RTL9: variants seen among roughly 807,000 people sequenced by gnomAD.
RTL9 encodes retrotransposon Gag-like protein 9.
RTL9 carries 19 observed loss-of-function variants against 44.7 expected under a neutral mutation model. That is an observed-to-expected ratio of 0.42 (90% CI 0.30 to 0.62). The LOEUF is 0.62. Among genes scored for constraint, RTL9 ranks in the 20% least tolerant of loss-of-function variants. RTL9 has a pLI of 0.16. For missense variants in RTL9, 1,105 were observed against 1,080.6 expected, an observed-to-expected ratio of 1.02 and a Z score of -0.32; for synonymous variants, 407 against 398.9, an observed-to-expected ratio of 1.02 and a Z score of -0.24.
chrX:110,423,910 A>G (rs2068736725), intron 1 of RTL9, among the ~76,000 whole-genome samples: 1 of 112,519 alleles, frequency 8.9e-6, no homozygotes, highest in Non-Finnish European at 1.9e-5. Flanking sequence ...TTCTCCTCTC[A>G]GGCAGATGCT....
intron 1 of RTL9, among the ~76,000 whole-genome samples, chrX:110,408,474 G>C (rs1212119922): frequency 8.9e-6 from 1 of 112,418 alleles, no homozygotes; most frequent in Non-Finnish European, 1.9e-5. Context: ...ATGTTCTGCT[G>C]GACTTCCATG....
At chrX:110,397,679 A>C (rs774481585) in intron 1 of RTL9, among the ~76,000 whole-genome samples, 1 of 111,227 alleles carries the variant, frequency 9.0e-6, no homozygotes, top group African/African-American at 3.3e-5. Flanking sequence ...TTTGCTTTCT[A>C]ATATCCTAAC....
upstream of RTL9, among the ~76,000 whole-genome samples, chrX:110,447,904 G>A (rs1003960887): frequency 2.5e-4 from 28 of 111,635 alleles, no homozygotes; most frequent in Non-Finnish European, 2.6e-4. Flanking sequence ...TAGACTGAGT[G>A]CACCAGTTCA....
At chrX:110,360,565 A>G (rs1376427512) in intron 1 of RTL9, among the ~76,000 whole-genome samples, 1 of 111,734 alleles carries the variant, frequency 8.9e-6, no homozygotes, top group Non-Finnish European at 1.9e-5. Context: ...AGAATTGCAT[A>G]ATGGAGAGTA....
At chrX:110,449,149 G>A (rs2068925227), upstream of RTL9, among the ~76,000 whole-genome samples, 1 of 110,240 alleles carries the variant, frequency 9.1e-6, no homozygotes, top group Admixed American at 9.6e-5. Flanking sequence ...GAAGAGTAGG[G>A]GGCTCTGGAA....
exon 1 of RTL9, chrX:110,450,883 C>T (rs2068935430): frequency 8.3e-7 from 1 of 1,211,991 alleles, no homozygotes; most frequent in Non-Finnish European, 1.1e-6. Flanking sequence ...GCATTGTCCC[C>T]ACCCCTAATG....
At chrX:110,439,174 CAGCCATTGGAGCTGCTTCAG>C (rs2068861291) in intron 1 of RTL9, among the ~76,000 whole-genome samples, 1 of 112,005 alleles carries the variant, frequency 8.9e-6, no homozygotes, top group East Asian at 2.8e-4. Context: ...CCTTTGTGAG[CAGCCATTGGAGCTGCTTCAG>C]GGACTGACAA....
intron 1 of RTL9, chrX:110,440,308 A>G (rs1259176413): frequency 8.9e-6 from 1 of 112,353 alleles, no homozygotes; most frequent in Non-Finnish European, 1.9e-5. Context: ...TTCCTGGCGT[A>G]TTCCAAAAGT....
At chrX:110,453,079 C>T in exon 1 of RTL9, 1 of 1,211,674 alleles carries the variant, frequency 8.3e-7, no homozygotes, top group East Asian at 3.0e-5. Flanking sequence ...ATGTCTGCTC[C>T]ACAAATGACA....
In RTL9 at chrX:110,391,956, T is replaced by C. The variant is rs2068496849; in HGVS notation, c.-168+33040T>C. On this transcript the variant is annotated intron_variant, in intron 1 of 2. Coordinates refer to the RTL9 transcript ENST00000520821. ...TTCTCCTCTGATGAACAATTACCAA[T>C]GAACTCTGTTCAAAAGGGAAAACAT... 2.7e-5 allele frequency among the ~76,000 whole-genome samples: 3 copies of C among 112,386 alleles called. No individual in the cohort carries two copies. In the Admixed American group the frequency reaches 2.8e-4, roughly 11 times the overall value.
chrX:110,423,231 G>T (rs2068730385), intron 1 of RTL9, among the ~76,000 whole-genome samples: 1 of 110,662 alleles, frequency 9.0e-6, no homozygotes, highest in South Asian at 3.9e-4. Context: ...GGGAGTCTGA[G>T]ACAGGAGAAT....
upstream of RTL9, among the ~76,000 whole-genome samples, chrX:110,445,731 C>T (rs1008985840): frequency 8.9e-6 from 1 of 112,127 alleles, no homozygotes; most frequent in South Asian, 3.7e-4. Context: ...TTTCCCTGAG[C>T]AGCTAGCCAT....
chrX:110,445,202 A>C (rs901364792), exon 2 of RTL9: 4 of 112,431 alleles, frequency 3.6e-5, no homozygotes, highest in African/African-American at 1.3e-4. Context: ...AGTTAAGAGC[A>C]CTGGCTGAGT....
At chrX:110,372,245 A>T (rs1318424336) in intron 1 of RTL9, among the ~76,000 whole-genome samples, 1 of 112,745 alleles carries the variant, frequency 8.9e-6, no homozygotes, top group East Asian at 2.8e-4. Flanking sequence ...AGGAGGATAT[A>T]AAATCAAGGA....
At chrX:110,425,756 ATCATATAG>A (rs1468444077) in intron 1 of RTL9, among the ~76,000 whole-genome samples, 1 of 112,378 alleles carries the variant, frequency 8.9e-6, no homozygotes, top group South Asian at 3.7e-4. Context: ...TTTGCTCAAG[ATCATATAG>A]CTGGTTGGAG....
intron 1 of RTL9, among the ~76,000 whole-genome samples, chrX:110,431,245 C>G (rs914461857): frequency 1.8e-5 from 2 of 110,695 alleles, no homozygotes; most frequent in African/African-American, 6.6e-5. Flanking sequence ...TCAATATTTA[C>G]CTGGGGGTTT....
At chrX:110,379,780 A>T (rs2068405706) in intron 1 of RTL9, among the ~76,000 whole-genome samples, 1 of 112,202 alleles carries the variant, frequency 8.9e-6, no homozygotes, top group South Asian at 3.7e-4. Context: ...AAATTCAGGG[A>T]TTTGTGATTT....
upstream of RTL9, among the ~76,000 whole-genome samples, chrX:110,415,163 G>A (rs189938127): frequency 7.1e-4 from 80 of 112,114 alleles, no homozygotes; most frequent in African/African-American, 2.4e-3. Context: ...CCCCAGGGCC[G>A]TAGCACCAGA....
At chrX:110,374,609 G>A (rs1235171116) in intron 1 of RTL9, among the ~76,000 whole-genome samples, 1 of 111,898 alleles carries the variant, frequency 8.9e-6, no homozygotes, top group African/African-American at 3.3e-5. Flanking sequence ...CTTAGAAGTA[G>A]GGCTATTAAG....
Sources: allele counts gnomAD v4.1 joint callset (sites outside exome capture counted in the v4.1 genomes callset), GRCh38; gene constraint gnomAD v4.1.1; transcripts MANE v1.5; gene names NCBI Gene and HGNC (gene_info 2026-07-23, HGNC 2026-07-21).